Variants in MSANTD5 observed in about 807,000 individuals in gnomAD.
The protein encoded by MSANTD5 is uncharacterized protein MSANTD5.
At chr5:178,705,519 G>A in the MSANTD5 span, among the ~76,000 whole-genome samples, 4 of 152,146 alleles carry the variant, frequency 2.6e-5, no homozygotes, top group African/African-American at 9.7e-5. Context: ...TTAAGGATTT[G>A]GGACTTTGAT....
chr5:178,692,072 TAAAAAA>T (rs58907781), downstream of MSANTD5, among the ~76,000 whole-genome samples: 3 of 91,164 alleles, frequency 3.3e-5, no homozygotes, highest in African/African-American at 7.7e-5. Flanking sequence ...TGGCAGTTTC[TAAAAAA>T]AAAAAAAAAA....
the MSANTD5 span, among the ~76,000 whole-genome samples, chr5:178,703,261 G>GC: frequency 2.6e-5 from 4 of 152,212 alleles, no homozygotes; most frequent in African/African-American, 7.2e-5. Context: ...GCGCCCACGG[G>GC]CAGGGTCCCG....
chr5:178,696,744 A>G (rs1299553359), intron 1 of MSANTD5, among the ~76,000 whole-genome samples: 1 of 151,876 alleles, frequency 6.6e-6, no homozygotes, highest in Non-Finnish European at 1.5e-5. Flanking sequence ...ACTTGGGGAG[A>G]GTCTGCTGGA....
upstream of MSANTD5, among the ~76,000 whole-genome samples, chr5:178,699,916 A>G (rs1198862730): frequency 1.3e-5 from 2 of 151,620 alleles, no homozygotes; most frequent in African/African-American, 4.9e-5. Flanking sequence ...CGGTATATGC[A>G]CCAAGCCTGT....
intron 1 of MSANTD5, among the ~76,000 whole-genome samples, chr5:178,697,220 C>G (rs4257793): frequency 6.6e-6 from 1 of 151,732 alleles, no homozygotes; most frequent in Non-Finnish European, 1.5e-5. Flanking sequence ...TTTGGGAGGC[C>G]GAGGCGGGCG....
At chr5:178,695,118 A>G (rs1246658008) in intron 3 of MSANTD5, among the ~76,000 whole-genome samples, 169 bp downstream of exon 3, 1 of 152,156 alleles carries the variant, frequency 6.6e-6, no homozygotes, top group East Asian at 1.9e-4. Flanking sequence ...AAATAGAGGC[A>G]GGCAGCCCAT....
chr5:178,692,414 T>C (rs1299231320), downstream of MSANTD5, among the ~76,000 whole-genome samples: 1 of 151,702 alleles, frequency 6.6e-6, no homozygotes, highest in African/African-American at 2.4e-5. Context: ...ATGCAATTAT[T>C]ATACACCCAG....
the MSANTD5 span, among the ~76,000 whole-genome samples, chr5:178,706,406 G>A: frequency 5.9e-5 from 9 of 152,190 alleles, no homozygotes; most frequent in African/African-American, 1.9e-4. Context: ...CTATAACCCA[G>A]CGCTGTTGCA....
chr5:178,698,231 G>A (rs1274874945), upstream of MSANTD5, among the ~76,000 whole-genome samples: 2 of 152,164 alleles, frequency 1.3e-5, no homozygotes, highest in Non-Finnish European at 2.9e-5. Flanking sequence ...AGAGAGAGGC[G>A]AACAGAGCTT....
the MSANTD5 span, among the ~76,000 whole-genome samples, chr5:178,705,554 C>T: frequency 2.0e-5 from 3 of 152,234 alleles, no homozygotes; most frequent in Non-Finnish European, 4.4e-5. Context: ...CCCTTCAGGG[C>T]AGCGCCTAAT....
upstream of MSANTD5, among the ~76,000 whole-genome samples, chr5:178,699,861 G>T (rs1481571360): frequency 6.6e-6 from 1 of 151,356 alleles, no homozygotes; most frequent in Non-Finnish European, 1.5e-5. Flanking sequence ...TATGCACCAA[G>T]CCTGTTTCTG....
At chr5:178,695,780 C>T (rs562133003) in intron 2 of MSANTD5, among the ~76,000 whole-genome samples, 182 bp from the exon 3 acceptor site, 2 of 152,324 alleles carry the variant, frequency 1.3e-5, no homozygotes, top group South Asian at 2.1e-4. Context: ...CATCCAGTCA[C>T]TGGGACAGGC....
At chr5:178,701,135 G>T (rs552310783), upstream of MSANTD5, among the ~76,000 whole-genome samples, 30 of 152,142 alleles carry the variant, frequency 2.0e-4, no homozygotes, top group Admixed American at 1.5e-3. Flanking sequence ...CACCACGCCC[G>T]GCTAATTTTT....
chr5:178,697,308 G>T (rs918400888), intron 1 of MSANTD5, among the ~76,000 whole-genome samples: 5 of 151,334 alleles, frequency 3.3e-5, no homozygotes, highest in East Asian at 3.9e-4. Flanking sequence ...CAAAAAATTA[G>T]CCGGGCGTGG....
intron 1 of MSANTD5, among the ~76,000 whole-genome samples, chr5:178,696,561 G>A: frequency 6.6e-6 from 1 of 152,110 alleles, no homozygotes; most frequent in Non-Finnish European, 1.5e-5. Flanking sequence ...CCAGATGAAC[G>A]ATATGAACCC....
At chr5:178,693,068 G>T (rs868213122), downstream of MSANTD5, among the ~76,000 whole-genome samples, 17 of 152,124 alleles carry the variant, frequency 1.1e-4, no homozygotes, top group Middle Eastern at 3.4e-3. Flanking sequence ...CCAGCACTTT[G>T]GGAGGCTGAG....
the MSANTD5 span, among the ~76,000 whole-genome samples, chr5:178,705,174 CA>C: frequency 6.6e-6 from 1 of 152,126 alleles, no homozygotes; most frequent in African/African-American, 2.4e-5. Context: ...TCAGCATCCC[CA>C]GTAGCTGGAT....
At chr5:178,699,445 T>TTC (rs397790271), upstream of MSANTD5, among the ~76,000 whole-genome samples, 2 of 151,864 alleles carry the variant, frequency 1.3e-5, no homozygotes, top group Non-Finnish European at 2.9e-5. Context: ...TTTTTTTTTT[T>TTC]CTGATAGAGT....
Position 178,695,286 on chromosome 5 carries a change from CCTGAGAAGACG to C in MSANTD5, c.393_403del (p.Ser131ArgfsTer9), listed in dbSNP as rs1765399650. ...TGGAGATGAACACAAAAGACACAAA[CCTGAGAAGACG>C]CTGATCTTCCATCTGTACCCCAGAA... On this transcript the variant is annotated frameshift_variant and splice_region_variant, in exon 3 of 4. Transcript: ENST00000648368. LOFTEE classifies it low-confidence loss of function (END_TRUNC). 6.6e-6 allele frequency: 1 copy of C among 152,250 alleles called. No individual in the cohort carries two copies. Among genetic ancestry groups the C allele is most frequent in the African/African-American group, 2.4e-5 (1 of 41,376 alleles). The allele number at this position is 152,250 out of a possible 1,614,324, so 9.4% of individuals were successfully genotyped here. A position where few individuals can be genotyped will look rare whatever the true frequency, so the allele number is the denominator to read the frequency against.
Sources: gnomAD v4.1 joint callset for allele counts (sites outside exome capture counted in the v4.1 genomes callset) on GRCh38, gnomAD v4.1.1 for gene constraint, MANE v1.5 for transcripts, NCBI Gene and HGNC (gene_info 2026-07-23, HGNC 2026-07-21) for gene names.